The following CDKN2B-AS1 variants were observed in gnomAD, a reference collection of about 807,000 sequenced individuals.
CDKN2B-AS1 encodes CDKN2B and CDKN2A antisense cis and trans regulatory RNA 1, also known as CDKN2B antisense RNA 1 (non-protein coding).
intron 1 of CDKN2B-AS1, among the ~76,000 whole-genome samples, chr9:22,017,664 T>G (rs1821831037): frequency 6.6e-6 from 1 of 152,240 alleles, no homozygotes; most frequent in Admixed American, 6.5e-5. Flanking sequence ...ACAGTTCTCA[T>G]TTACCAGAAA....
intron 2 of CDKN2B-AS1, among the ~76,000 whole-genome samples, chr9:22,048,783 A>G (rs1563945955): frequency 2.0e-5 from 3 of 152,118 alleles, no homozygotes; most frequent in Admixed American, 6.6e-5. Flanking sequence ...AAAATTTTGC[A>G]TTACTCTTGC....
chr9:22,091,222 T>G (rs894734008), intron 4 of CDKN2B-AS1, among the ~76,000 whole-genome samples: 5 of 152,194 alleles, frequency 3.3e-5, no homozygotes, highest in African/African-American at 4.8e-5. Context: ...CTGTTTTGGT[T>G]ACTGTAGTCT....
intron 1 of CDKN2B-AS1, among the ~76,000 whole-genome samples, chr9:22,007,713 G>C (rs1442423295): frequency 6.6e-6 from 1 of 152,012 alleles, no homozygotes; most frequent in Non-Finnish European, 1.5e-5. Flanking sequence ...GTGATGTAAG[G>C]ATATTTTACA....
Position 22,005,893 on chromosome 9 carries a change from G to T in CDKN2B-AS1, n.29+10732G>T. On this transcript the variant is annotated intron_variant and non_coding_transcript_variant, in intron 1 of 4. Coordinates refer to ENST00000650946, the Ensembl canonical transcript of CDKN2B-AS1. The surrounding 1 kb of genome is among the most constrained non-coding windows in gnomAD (Gnocchi z 4.9). ...CTTGCAGGCTTACAGGCTTTCCGCC[G>T]CTCCCCGTTGGCAGCCTTCATCGAA... The T allele has an allele frequency of 6.6e-7, 1 of 1,508,710 alleles. No homozygotes were observed. Among genetic ancestry groups the T allele is most frequent in the South Asian group, 1.2e-5 (1 of 84,098 alleles). The allele number at this position is 1,508,710 out of a possible 1,614,324, so 93.5% of individuals were successfully genotyped here.
rs1376618479 is a variant in CDKN2B-AS1 at position 21,995,770 on chromosome 9, T to G, written n.29+609T>G. On this transcript the variant is annotated intron_variant and non_coding_transcript_variant, in intron 1 of 4. Coordinates refer to ENST00000650946, the Ensembl canonical transcript of CDKN2B-AS1. The surrounding 1 kb of genome is among the most constrained non-coding windows in gnomAD (Gnocchi z 5.7). ...CGAGGCTCGGCTCTCGTCCAGGAAC[T>G]CGGACGCGGGCTCGCCGGCTCTCCG... is the stretch of plus-strand genomic sequence containing the variant. The G allele has an allele frequency of 6.6e-6, 1 of 152,220 alleles. No homozygotes were observed. The highest frequency in any genetic ancestry group is 1.5e-5 in the Non-Finnish European group (1 of 68,056). The allele number at this position is 152,220 out of a possible 1,614,324, so 9.4% of individuals were successfully genotyped here. A position where few individuals can be genotyped will look rare whatever the true frequency, so the allele number is the denominator to read the frequency against.
rs1252858506 is a variant in CDKN2B-AS1, at chr9:21,999,006, T to C, written n.29+3845T>C. On this transcript the variant is annotated intron_variant and non_coding_transcript_variant, in intron 1 of 4. Transcript: ENST00000650946. This position sits in a 1 kb window ranked among gnomAD's most constrained non-coding sequence, Gnocchi z 4.7. ...AGGCAAAGGATATAATAGTTTATAG[T>C]AGAATATGTGCAAATAGTAAAAAAT... Among the ~76,000 whole-genome samples, 1 of 152,108 alleles carries C rather than the reference T, an allele frequency of 6.6e-6. No homozygotes were observed. Among genetic ancestry groups the C allele is most frequent in the African/African-American group, 2.4e-5 (1 of 41,434 alleles).
intron 3 of CDKN2B-AS1, among the ~76,000 whole-genome samples, chr9:22,054,726 A>AT (rs1195471323): frequency 6.8e-6 from 1 of 146,016 alleles, no homozygotes; most frequent in Non-Finnish European, 1.5e-5. Flanking sequence ...TATTTATTTT[A>AT]TTTTTTTATT....
intron 4 of CDKN2B-AS1, among the ~76,000 whole-genome samples, chr9:22,124,562 A>G (rs72655405): frequency 1.3e-5 from 2 of 152,160 alleles, no homozygotes; most frequent in Non-Finnish European, 2.9e-5. Context: ...AACAAATATT[A>G]TGCTTATTTC....
intron 4 of CDKN2B-AS1, among the ~76,000 whole-genome samples, chr9:22,103,887 C>T (rs1036446377): frequency 6.6e-6 from 1 of 152,150 alleles, no homozygotes; most frequent in Non-Finnish European, 1.5e-5. Context: ...AATAGCACTG[C>T]GTTCCAGTGA....
At chr9:22,040,132 A>G (rs1246517167) in intron 1 of CDKN2B-AS1, among the ~76,000 whole-genome samples, 1 of 151,916 alleles carries the variant, frequency 6.6e-6, no homozygotes, top group Non-Finnish European at 1.5e-5. Flanking sequence ...CTGTGAGACA[A>G]TTTCTCTTTT....
At chr9:22,100,990 C>T (rs534033027) in intron 4 of CDKN2B-AS1, among the ~76,000 whole-genome samples, 1 of 152,316 alleles carries the variant, frequency 6.6e-6, no homozygotes. Flanking sequence ...CAATTTAAAA[C>T]TGGGTTGTTT....
chr9:22,115,287 T>A (rs944797), intron 4 of CDKN2B-AS1, among the ~76,000 whole-genome samples: 1 of 152,046 alleles, frequency 6.6e-6, no homozygotes, highest in South Asian at 2.1e-4. Context: ...GAGGGAAGAC[T>A]GGGGAAGGTG....
At chr9:22,111,453 C>T (rs182566705) in intron 4 of CDKN2B-AS1, among the ~76,000 whole-genome samples, 3 of 152,274 alleles carry the variant, frequency 2.0e-5, no homozygotes, top group African/African-American at 7.2e-5. Context: ...ACCCAAAGCA[C>T]ATATTATGAT....
At chr9:22,102,355 G>A (rs1296641480) in intron 4 of CDKN2B-AS1, among the ~76,000 whole-genome samples, 1 of 152,176 alleles carries the variant, frequency 6.6e-6, no homozygotes, top group Non-Finnish European at 1.5e-5. Flanking sequence ...AAGGGATTGT[G>A]TAAGTTTTCT....
chr9:22,045,305 T>A (rs1287640083), intron 1 of CDKN2B-AS1, among the ~76,000 whole-genome samples: 1 of 152,016 alleles, frequency 6.6e-6, no homozygotes. Flanking sequence ...AAATAATCAC[T>A]GTTTTGAATT....
chr9:22,093,724 G>A (rs557818994), intron 4 of CDKN2B-AS1, among the ~76,000 whole-genome samples: 1 of 143,698 alleles, frequency 7.0e-6, no homozygotes, highest in South Asian at 2.1e-4. Flanking sequence ...CTGCACATGA[G>A]ATGGGATTCC....
intron 4 of CDKN2B-AS1, among the ~76,000 whole-genome samples, chr9:22,082,833 A>T (rs1824742722): frequency 6.6e-6 from 1 of 152,188 alleles, no homozygotes. Flanking sequence ...GACTATTTCC[A>T]TTTGACTAAG....
At chr9:22,080,817 A>G (rs1009525509) in intron 4 of CDKN2B-AS1, among the ~76,000 whole-genome samples, 1 of 152,250 alleles carries the variant, frequency 6.6e-6, no homozygotes, top group South Asian at 2.1e-4. Context: ...TTATAGCTAC[A>G]TGACAAAGAA....
intron 1 of CDKN2B-AS1, among the ~76,000 whole-genome samples, chr9:22,037,467 T>C (rs1283890941): frequency 1.3e-5 from 2 of 151,638 alleles, no homozygotes; most frequent in East Asian, 2.1e-4. Flanking sequence ...ACAAGAATTG[T>C]TTATATGCAT....
Sources: allele counts gnomAD v4.1 joint callset (sites outside exome capture counted in the v4.1 genomes callset), GRCh38; gene constraint gnomAD v4.1.1; non-coding constraint Gnocchi (gnomAD v3.1); transcripts MANE v1.5; gene names NCBI Gene and HGNC (gene_info 2026-07-23, HGNC 2026-07-21).